The following ANK1 variants were observed in gnomAD, a reference collection of about 807,000 sequenced individuals.
The protein encoded by ANK1 is ankyrin 1.
Under a neutral mutation model 210.4 loss-of-function variants are expected in ANK1, and 51 were observed. The observed-to-expected ratio is 0.24, with a 90% CI of 0.19 to 0.31. The LOEUF is 0.31. ANK1 is among the 10% of genes least tolerant of loss of function. The probability of loss-of-function intolerance (pLI) is 1.00; values close to 1 mark genes in which losing one functional copy is unlikely to be tolerated. For synonymous variants in ANK1, 967 were observed against 1,025.9 expected, an observed-to-expected ratio of 0.94 and a Z score of 1.10; for missense variants, 2,051 against 2,504.4, an observed-to-expected ratio of 0.82 and a Z score of 3.86.
rs765091482 is a variant in ANK1 at position 41,702,069 on chromosome 8, C to T, written c.2371G>A (p.Asp791Asn). ...AGACATACCACGAAACTGGTTTCAT[C>T]CGTGACGACCTTGAGCACGTCGGTG... The part of the protein sequence containing the change: ...SVTDVLKVVT[D>N]ETSFVLVSDK... The change falls in exon 21 of 43, where the codon GAT (aspartate) becomes AAT (asparagine). Residue 791 changes from aspartate to asparagine, a missense_variant. Asp to Asn is a conservative substitution (Grantham distance 23). This residue lies in a region of ANK1 where 1,413 missense variants were observed against 1,707.4 expected (regional missense o/e 0.83). Coordinates refer to ENST00000289734, the MANE Select transcript of ANK1 (RefSeq NM_000037.4). The T allele has an allele frequency of 6.2e-7, 1 of 1,614,200 alleles. No homozygotes were observed. The highest frequency in any genetic ancestry group is 1.7e-5 in the Admixed American group (1 of 60,032).
intron 39 of ANK1, chr8:41,664,211 C>T (rs1809565573): frequency 2.2e-6 from 1 of 456,708 alleles, no homozygotes; most frequent in East Asian, 6.9e-5. Flanking sequence ...GTGGCTCACG[C>T]CTGCTATCCC....
chr8:41,695,663 T>A (rs761667326), intron 26 of ANK1, among the ~76,000 whole-genome samples: 36 of 152,236 alleles, frequency 2.4e-4, no homozygotes, highest in Non-Finnish European at 3.4e-4. Flanking sequence ...GGTGACCTCA[T>A]CTATCAACTG....
chr8:41,679,766 G>A (rs923974873), intron 37 of ANK1, among the ~76,000 whole-genome samples: 8 of 150,936 alleles, frequency 5.3e-5, no homozygotes, highest in South Asian at 4.2e-4. Flanking sequence ...GGGTTTCACC[G>A]TGTTAGCCAG....
At chr8:41,826,068 C>G (rs1218949630) in intron 1 of ANK1, among the ~76,000 whole-genome samples, 1 of 152,160 alleles carries the variant, frequency 6.6e-6, no homozygotes, top group African/African-American at 2.4e-5. Flanking sequence ...GCCTTTAGTC[C>G]TAATCCAAAG....
At position 41,706,241 on chromosome 8, in the gene ANK1, T is replaced by C. The variant is rs775928813; in HGVS notation, c.1999A>G (p.Ser667Gly). ...ACCAGATGGAGGGGAGTGAGTCCGC[T>C]CTGCAAAGAAAAAGACGTTCATCAC... ...KQANGNLGNK[S>G]GLTPLHLVAQ... is the part of the protein sequence containing the mutation. Residue 667 changes from serine (S) to glycine (G), a missense_variant and splice_region_variant, in exon 18 of 43, where the codon AGC becomes GGC. This residue lies in a region of ANK1 where 1,413 missense variants were observed against 1,707.4 expected (regional missense o/e 0.83). Transcript: ENST00000289734. 6.2e-7 allele frequency: 1 copy of C among 1,613,846 alleles called. No individual in the cohort carries two copies. Among genetic ancestry groups the C allele is most frequent in the South Asian group, 1.1e-5 (1 of 91,050 alleles).
At chr8:41,717,992 T>A (rs931629507) in intron 11 of ANK1, 114 bp downstream of exon 11, 1 of 1,021,504 alleles carries the variant, frequency 9.8e-7, no homozygotes, top group Non-Finnish European at 1.5e-6. Context: ...CAGTCCAGAC[T>A]TGCAGACACA....
chr8:41,896,186 G>A (rs1051510509), intron 1 of ANK1, among the ~76,000 whole-genome samples: 3 of 152,148 alleles, frequency 2.0e-5, no homozygotes, highest in Non-Finnish European at 4.4e-5. Flanking sequence ...CGGCCGCGCA[G>A]AAGCCTCCGT....
chr8:41,824,135 T>C (rs866567526), intron 1 of ANK1, among the ~76,000 whole-genome samples: 2 of 152,134 alleles, frequency 1.3e-5, no homozygotes, highest in African/African-American at 4.8e-5. Context: ...AATTTTTGTA[T>C]TTTTAGTAGA....
intron 39 of ANK1, chr8:41,665,234 C>T: frequency 2.0e-6 from 3 of 1,518,174 alleles, no homozygotes; most frequent in Non-Finnish European, 2.6e-6. Context: ...GCAGCCCGGC[C>T]CAAGTGCCCT....
chr8:41,887,060 G>C (rs767436901), intron 1 of ANK1, among the ~76,000 whole-genome samples: 3 of 152,034 alleles, frequency 2.0e-5, no homozygotes, highest in Non-Finnish European at 4.4e-5. Context: ...CAGCACCTTG[G>C]AATCCCTTAC....
chr8:41,727,761 C>T (rs1831085536), intron 4 of ANK1, 147 bp downstream of exon 4: 1 of 761,234 alleles, frequency 1.3e-6, no homozygotes, highest in Non-Finnish European at 2.3e-6. Flanking sequence ...TTCACCACTG[C>T]TCAGAGACAT....
intron 2 of ANK1, among the ~76,000 whole-genome samples, chr8:41,743,291 G>C (rs1250749999): frequency 6.6e-6 from 1 of 152,158 alleles, no homozygotes; most frequent in Non-Finnish European, 1.5e-5. Context: ...AAAGACCATG[G>C]AGCCACAGGA....
chr8:41,823,050 ACTT>A (rs952627170), intron 1 of ANK1, among the ~76,000 whole-genome samples: 1 of 152,166 alleles, frequency 6.6e-6, no homozygotes, highest in Non-Finnish European at 1.5e-5. Flanking sequence ...AGAAGGGTAA[ACTT>A]CTGCAATATG....
At chr8:41,790,209 C>A (rs1422123381) in intron 1 of ANK1, among the ~76,000 whole-genome samples, 1 of 150,730 alleles carries the variant, frequency 6.6e-6, no homozygotes, top group Admixed American at 6.6e-5. Flanking sequence ...TGCAATGGTG[C>A]GATCTCGGCT....
intron 1 of ANK1, among the ~76,000 whole-genome samples, chr8:41,769,397 A>G (rs1343026025): frequency 1.3e-5 from 2 of 152,200 alleles, no homozygotes; most frequent in African/African-American, 4.8e-5. Context: ...AATCCTCTAC[A>G]CAGAGAACTC....
intron 1 of ANK1, among the ~76,000 whole-genome samples, chr8:41,843,834 T>C (rs940098577): frequency 6.6e-6 from 1 of 152,170 alleles, no homozygotes. Context: ...GAGAGACAGG[T>C]CGGGAAGGGT....
intron 39 of ANK1, among the ~76,000 whole-genome samples, chr8:41,666,805 C>T (rs767298341): frequency 4.6e-5 from 7 of 152,208 alleles, no homozygotes; most frequent in Non-Finnish European, 8.8e-5. Flanking sequence ...GCATGCTGGA[C>T]GTGAGGATGT....
intron 1 of ANK1, among the ~76,000 whole-genome samples, chr8:41,882,998 C>G (rs1265103111): frequency 1.3e-5 from 2 of 152,240 alleles, no homozygotes; most frequent in Non-Finnish European, 2.9e-5. Flanking sequence ...TTTTGGCCAA[C>G]AGAAAGGGCA....
chr8:41,762,964 T>G (rs1365306369), intron 1 of ANK1, among the ~76,000 whole-genome samples: 1 of 152,152 alleles, frequency 6.6e-6, no homozygotes, highest in Non-Finnish European at 1.5e-5. Flanking sequence ...TCCTGTAATC[T>G]CAGCACTTTG....
Sources: gnomAD v4.1 joint callset for allele counts (sites outside exome capture counted in the v4.1 genomes callset) on GRCh38, gnomAD v4.1.1 for gene constraint, gnomAD v4.1.1 regional missense constraint, MANE v1.5 for transcripts, NCBI Gene and HGNC (gene_info 2026-07-23, HGNC 2026-07-21) for gene names.